The following ITPR1 variants were observed in gnomAD, a reference collection of about 807,000 sequenced individuals.
ITPR1 encodes the protein inositol 1,4,5-trisphosphate receptor type 1.
A neutral mutation model predicts 318.4 loss-of-function variants in ITPR1; 96 were observed. The ratio of observed to expected loss-of-function variants is 0.30; its 90% confidence interval spans 0.26 to 0.36. ITPR1 has a LOEUF of 0.36. Ranked by LOEUF, ITPR1 falls within the 10% of genes least tolerant of loss-of-function variation. ITPR1 has a pLI of 1.00. For missense variants in ITPR1, 2,440 were observed against 3,460.2 expected, an observed-to-expected ratio of 0.71 and a Z score of 7.40; for synonymous variants, 1,312 against 1,289.9, an observed-to-expected ratio of 1.02 and a Z score of -0.37.
At chr3:4,681,482 TC>T in intron 26 of ITPR1, 64 bp downstream of exon 26, 1 of 1,094,546 alleles carries the variant, frequency 9.1e-7, no homozygotes. Flanking sequence ...TCAGAGGCCT[TC>T]CCTTTATTAT....
At chr3:4,499,956 T>C (rs1452453252) in intron 2 of ITPR1, among the ~76,000 whole-genome samples, 1 of 152,188 alleles carries the variant, frequency 6.6e-6, no homozygotes, top group African/African-American at 2.4e-5. Context: ...GTGTGAGATG[T>C]TGGATGTCTA....
chr3:4,581,021 C>T (rs2089281375), intron 4 of ITPR1, among the ~76,000 whole-genome samples: 1 of 152,134 alleles, frequency 6.6e-6, no homozygotes, highest in South Asian at 2.1e-4. Context: ...ATTGTGTTGA[C>T]CTGGGATATA....
intron 35 of ITPR1, among the ~76,000 whole-genome samples, chr3:4,700,486 C>G (rs978692144): frequency 2.6e-5 from 4 of 152,130 alleles, no homozygotes; most frequent in Non-Finnish European, 5.9e-5. Context: ...CTGGTTGAAG[C>G]CTTAGCCAGG....
At chr3:4,662,901 C>T (rs1048641333) in intron 15 of ITPR1, among the ~76,000 whole-genome samples, 164 bp from the exon 16 acceptor site, 8 of 152,082 alleles carry the variant, frequency 5.3e-5, no homozygotes, top group African/African-American at 1.9e-4. Context: ...TTGTGTCTTT[C>T]ACTCTCTTTG....
Position 4,650,643 on chromosome 3 carries a change from G to GTGTGTA in ITPR1, c.856-1478_856-1477insTGTATG, listed in dbSNP as rs760033658. 3.0e-5 allele frequency among the ~76,000 whole-genome samples: 4 copies of GTGTGTA among 134,244 alleles called. 1 individual carries two copies. In the East Asian group the frequency reaches 8.0e-4, roughly 27 times the overall value. 88.1% of individuals were successfully genotyped at this position (134,244 alleles called of 152,430 possible). On this transcript the variant is annotated intron_variant, in intron 10 of 61. Coordinates refer to ENST00000649015, the MANE Select transcript of ITPR1 (RefSeq NM_001378452.1). Reference sequence around the variant, plus strand: ...TGTGTGTGTGTGTGTGTGTGTGTGTGTGCGCGCGTCTGTCTGTGTCTGTGT... The same window carrying GTGTGTA: ...TGTGTGTGTGTGTGTGTGTGTGTGTGTGTGTATGCGCGCGTCTGTCTGTGTCTGTGT...
At chr3:4,672,730 T>G (rs1452039549) in intron 20 of ITPR1, among the ~76,000 whole-genome samples, 2 of 152,250 alleles carry the variant, frequency 1.3e-5, no homozygotes, top group African/African-American at 4.8e-5. Flanking sequence ...TGAATATGTG[T>G]GATATCTTGA....
rs139180964 is a variant in ITPR1 at position 4,695,001 on chromosome 3, T to A, written c.4281+1260T>A. On this transcript the variant is annotated intron_variant, in intron 33 of 61. Transcript: ENST00000649015. ...TTTGTAAATGCAGAAGATGATACTC[T>A]AGGTATACTATTCTGTACCTTAACA... Among the ~76,000 whole-genome samples the A allele has an allele frequency of 3.1e-3, 478 of 152,368 alleles. 5 individuals are homozygous for A. Among genetic ancestry groups the A allele is most frequent in the Middle Eastern group, 0.014 (4 of 294 alleles).
Position 4,665,016 on chromosome 3 carries a change from G to T in ITPR1, c.1555-122G>T. The T allele has an allele frequency of 3.0e-6, 3 of 992,042 alleles. No homozygotes were observed. In the East Asian group the frequency reaches 7.3e-5, roughly 24 times the overall value. The allele number at this position is 992,042 out of a possible 1,614,324, so 61.5% of individuals were successfully genotyped here. ...AATGCAGTGTTCAGGTTATGGATGT[G>T]TTGGGATAGAGAAATTTTCTAATGT... On this transcript the variant is annotated intron_variant, in intron 16 of 61. Transcript: ENST00000649015.
At chr3:4,562,115 A>G (rs1377834665) in intron 4 of ITPR1, among the ~76,000 whole-genome samples, 3 of 148,540 alleles carry the variant, frequency 2.0e-5, no homozygotes, top group Non-Finnish European at 3.0e-5. Flanking sequence ...AAATAAATGC[A>G]AAAAAAAAAT....
At chr3:4,513,718 C>A (rs9866278) in intron 2 of ITPR1, among the ~76,000 whole-genome samples, 2 of 152,068 alleles carry the variant, frequency 1.3e-5, no homozygotes, top group East Asian at 3.9e-4. Context: ...CATAATCATC[C>A]GGAGTATAAG....
At chr3:4,815,360 C>G in intron 59 of ITPR1, 142 bp downstream of exon 59, 1 of 694,818 alleles carries the variant, frequency 1.4e-6, no homozygotes, top group South Asian at 2.0e-5. Flanking sequence ...CTTGACTCTT[C>G]TACCCTCTGC....
At chr3:4,783,998 GCATT>G in intron 51 of ITPR1, 78 bp downstream of exon 51, 6 of 967,638 alleles carry the variant, frequency 6.2e-6, no homozygotes, top group Non-Finnish European at 9.4e-6. Flanking sequence ...GGGCTGGCGT[GCATT>G]CATTCATCTG....
intron 39 of ITPR1, among the ~76,000 whole-genome samples, chr3:4,712,310 A>G (rs2041435007): frequency 6.6e-6 from 1 of 152,062 alleles, no homozygotes; most frequent in Admixed American, 6.5e-5. Flanking sequence ...TCTAACTGCA[A>G]TTAAGGCAGG....
At chr3:4,574,450 C>T (rs2088402061) in intron 4 of ITPR1, among the ~76,000 whole-genome samples, 1 of 152,144 alleles carries the variant, frequency 6.6e-6, no homozygotes, top group Non-Finnish European at 1.5e-5. Flanking sequence ...GTTGACAAGT[C>T]TGTGAATTAT....
In ITPR1 at chr3:4,722,756, G is replaced by T. The variant is rs550195739; in HGVS notation, c.5137-2790G>T. ...GGCCCCTTCCATGCCTGGCCCATGG[G>T]TTGGATTATTTAGGGAACTTGCCAG... is the stretch of plus-strand genomic sequence containing the variant. On this transcript the variant is annotated intron_variant, in intron 40 of 61. Coordinates refer to ENST00000649015, the MANE Select transcript of ITPR1 (RefSeq NM_001378452.1). 8.2e-5 allele frequency among the ~76,000 whole-genome samples: 7 copies of T among 85,580 alleles called. No individual in the cohort carries two copies. In the South Asian group the frequency reaches 1.8e-3, roughly 22 times the overall value. 56.1% of individuals were successfully genotyped at this position (85,580 alleles called of 152,430 possible).
rs71313829 is a variant in ITPR1 at position 4,583,675 on chromosome 3, G to A, written c.164-44088G>A. Among the ~76,000 whole-genome samples, 967 of 152,222 alleles carry A rather than the reference G, an allele frequency of 6.4e-3. 7 individuals carry two copies. Among genetic ancestry groups the A allele is most frequent in the Non-Finnish European group, 1.0e-2 (680 of 68,026 alleles). ...CTTATTTGGTAAAGCTGCGGGGTTC[G>A]TTATTCCTGGAAAGGGCTGTTTCAC... On this transcript the variant is annotated intron_variant, in intron 4 of 61. Coordinates refer to ENST00000649015, the MANE Select transcript of ITPR1 (RefSeq NM_001378452.1).
chr3:4,772,951 C>T (rs1373027745), intron 46 of ITPR1, among the ~76,000 whole-genome samples: 1 of 152,242 alleles, frequency 6.6e-6, no homozygotes, highest in Non-Finnish European at 1.5e-5. Flanking sequence ...GCCTTGAGGA[C>T]TTCCCAGTCC....
At chr3:4,549,537 C>T (rs1457903151) in intron 4 of ITPR1, among the ~76,000 whole-genome samples, 6 of 151,330 alleles carry the variant, frequency 4.0e-5, no homozygotes, top group Non-Finnish European at 1.5e-5. Context: ...TCCCTTCCTC[C>T]TTTCCCCTTT....
intron 10 of ITPR1, among the ~76,000 whole-genome samples, chr3:4,648,810 C>T (rs547168457): frequency 5.3e-5 from 8 of 151,944 alleles, no homozygotes; most frequent in African/African-American, 9.7e-5. Context: ...ACCCTGTCTC[C>T]GAAAAGAAAA....
Sources: allele counts gnomAD v4.1 joint callset (sites outside exome capture counted in the v4.1 genomes callset), GRCh38; gene constraint gnomAD v4.1.1; transcripts MANE v1.5; gene names NCBI Gene and HGNC (gene_info 2026-07-23, HGNC 2026-07-21).